GREP1: variants seen among roughly 807,000 people sequenced by gnomAD.
GREP1 encodes the protein glycine-rich extracellular protein 1.
intron 27 of GREP1, 68 bp from the exon 25 acceptor site, chr16:2,999,834 C>T (rs1316606697): frequency 2.3e-5 from 9 of 398,890 alleles, no homozygotes; most frequent in Admixed American, 4.4e-5. Flanking sequence ...TCCCTAAGGT[C>T]GATCTTTGGC....
chr16:2,988,513 G>A, intron 1 of GREP1, 77 bp from the exon 2 acceptor site: 2 of 399,314 alleles, frequency 5.0e-6, no homozygotes, highest in Non-Finnish European at 8.8e-6. Context: ...GGGGGCTGGA[G>A]GATAGATGCC....
chr16:2,993,401 G>A (rs549882196), intron 10 of GREP1: 17 of 153,346 alleles, frequency 1.1e-4, no homozygotes, highest in African/African-American at 3.8e-4. Flanking sequence ...CCAACAGTTC[G>A]GGAGGCAGAG....
intron 33 of GREP1, 71 bp from the exon 28 acceptor site, chr16:3,001,210 G>A (rs1251236869): frequency 5.0e-6 from 2 of 399,108 alleles, no homozygotes; most frequent in Admixed American, 8.8e-5. Flanking sequence ...CCCACAGCCT[G>A]GGTTGAAGCT....
At chr16:2,998,224 A>G in intron 23 of GREP1, 132 bp from the exon 22 acceptor site, 1 of 397,690 alleles carries the variant, frequency 2.5e-6, no homozygotes, top group Non-Finnish European at 4.4e-6. Context: ...CCCAGGATAC[A>G]CACCAGGGAC....
intron 18 of GREP1, chr16:2,995,974 C>T: frequency 2.5e-6 from 1 of 395,918 alleles, no homozygotes; most frequent in Non-Finnish European, 4.4e-6. Context: ...GCTCTGTCGC[C>T]CAGGCTGGAG....
At chr16:2,999,371 T>C (rs984538) in intron 27 of GREP1, 17,863 of 396,384 alleles carry the variant, frequency 0.045, 1,166 homozygotes, top group African/African-American at 0.2. Flanking sequence ...ATCCTCTGTC[T>C]CCACCCCAGA....
At position 2,992,645 on chromosome 16, in the gene GREP1, A is replaced by T. The variant is rs2072404943; in HGVS notation, c.323-160A>T. The T allele has an allele frequency of 2.5e-6, 1 of 396,202 alleles. No individual in the cohort carries two copies. Among genetic ancestry groups the T allele is most frequent in the Non-Finnish European group, 4.4e-6 (1 of 224,984 alleles). 24.5% of individuals were successfully genotyped at this position (396,202 alleles called of 1,614,324 possible). ...TCTGGACTCCCGGGCCAAGAACCAA[A>T]TCCAACTTTGACTGCAGTCAGGCCT... On this transcript the variant is annotated intron_variant, in intron 8 of 34. Transcript: ENST00000573315. This position sits in a 1 kb window ranked among gnomAD's most constrained non-coding sequence, Gnocchi z 4.9.
chr16:3,000,115 AT>A lies in GREP1; in HGVS notation c.1263del (p.Ile421MetfsTer3). 2 of 399,042 alleles carry A rather than the reference AT, an allele frequency of 5.0e-6. No individual in the cohort carries two copies. The highest frequency in any genetic ancestry group is 7.1e-5 in the East Asian group (2 of 28,074). The allele number at this position is 399,042 out of a possible 1,614,324, so 24.7% of individuals were successfully genotyped here. A position where few individuals can be genotyped will look rare whatever the true frequency, so the allele number is the denominator to read the frequency against. On this transcript the variant is annotated frameshift_variant and splice_region_variant, in exon 29 of 35. Transcript: ENST00000573315. LOFTEE classifies it high-confidence loss of function. ...TAATGGTGGCCTCGAGCCACAGAAA[AT>A]TGGTGAGTCCTCCTGGGCCCCCGAC...
At chr16:2,995,395 C>T (rs1438881660) in intron 14 of GREP1, 79 bp downstream of exon 15, 4 of 398,818 alleles carry the variant, frequency 1.0e-5, no homozygotes, top group African/African-American at 8.2e-5. Context: ...CTCCATCTGT[C>T]CCCCAGGATT....
At chr16:2,990,865 G>C (rs978448147) in intron 7 of GREP1, among the ~76,000 whole-genome samples, 183 bp from the exon 7 acceptor site, 12 of 152,166 alleles carry the variant, frequency 7.9e-5, no homozygotes, top group African/African-American at 2.7e-4. Context: ...GCCCAGGGCG[G>C]GGAGGTGGGG....
chr16:2,995,472 G>A (rs2072419912), intron 15 of GREP1, 147 bp from the exon 16 acceptor site: 2 of 398,786 alleles, frequency 5.0e-6, no homozygotes, highest in South Asian at 1.3e-4. Flanking sequence ...CTACCCCTGG[G>A]GCGTCCTCTC....
chr16:2,996,927 C>T lies in GREP1; in HGVS notation c.746-18C>T, dbSNP rs947042987. 7.3e-5 allele frequency: 29 copies of T among 399,280 alleles called. No individual in the cohort carries two copies. The Middle Eastern group carries it at 3.8e-3, about 52-fold the overall frequency. 24.7% of individuals were successfully genotyped at this position (399,280 alleles called of 1,614,324 possible). A position where few individuals can be genotyped will look rare whatever the true frequency, so the allele number is the denominator to read the frequency against. ...CCCAGTGGCTCAGCCTTACCACGTT[C>T]CCTTTTTTGCCCCACAGGCCTGGGA... is the stretch of plus-strand genomic sequence containing the variant. On this transcript the variant is annotated intron_variant, in intron 20 of 34. Coordinates refer to ENST00000573315, the Ensembl canonical transcript of GREP1.
chr16:2,996,514 G>A (rs2151103161), exon 19 of GREP1: 2 of 399,234 alleles, frequency 5.0e-6, no homozygotes, highest in African/African-American at 2.1e-5. Context: ...CATGGAAATG[G>A]ACCGGGAGTC....
exon 35 of GREP1, chr16:3,001,748 G>C (rs1260073323): frequency 5.0e-6 from 2 of 397,698 alleles, no homozygotes; most frequent in Admixed American, 8.8e-5. Flanking sequence ...GGTGGGAGTG[G>C]CATGGGCCTG....
chr16:2,989,011 T>TG lies in GREP1; in HGVS notation c.100+395dup, dbSNP rs1163905631. 4 of 250,868 alleles carry TG rather than the reference T, an allele frequency of 1.6e-5. No individual in the cohort carries two copies. The highest frequency in any genetic ancestry group is 1.8e-4 in the South Asian group (1 of 5,702). 15.5% of individuals were successfully genotyped at this position (250,868 alleles called of 1,614,324 possible). ...TGGAAGAGTCTTTACTTCAGGGACC[T>TG]GGGGGGTCCTAAGGGTAGAAGGAGG... On this transcript the variant is annotated intron_variant, in intron 2 of 34. Transcript: ENST00000573315. This position sits in a 1 kb window ranked among gnomAD's most constrained non-coding sequence, Gnocchi z 4.2.
At chr16:2,999,587 G>A (rs914992658) in intron 27 of GREP1, among the ~76,000 whole-genome samples, 5 of 150,484 alleles carry the variant, frequency 3.3e-5, no homozygotes, top group African/African-American at 1.2e-4. Context: ...CAAGTAGTTG[G>A]CATTACAGGC....
Position 2,992,971 on chromosome 16 carries a change from ACTCCCTGTCCCTGT to A in GREP1, c.385+16_385+29del, listed in dbSNP as rs1567397185. 3.0e-5 allele frequency: 12 copies of A among 398,498 alleles called. No homozygotes were observed. Among genetic ancestry groups the A allele is most frequent in the Non-Finnish European group, 3.5e-5 (8 of 225,990 alleles). 24.7% of individuals were successfully genotyped at this position (398,498 alleles called of 1,614,324 possible). On this transcript the variant is annotated intron_variant, in intron 10 of 34. Transcript: ENST00000573315. This position sits in a 1 kb window ranked among gnomAD's most constrained non-coding sequence, Gnocchi z 4.9. ...GAAAACCCCAGAAGCCAGGTGAGCCACTCCCTGTCCCTGTCTCCCTGCCCATTTCCTATGCATCT... is the reference window on the plus strand; with the variant it reads ...GAAAACCCCAGAAGCCAGGTGAGCCACTCCCTGCCCATTTCCTATGCATCT...
At position 2,992,679 on chromosome 16, in the gene GREP1, G is replaced by A. The variant is rs1465391814; in HGVS notation, c.323-126G>A. On this transcript the variant is annotated intron_variant, in intron 8 of 34. Transcript: ENST00000573315. The surrounding 1 kb of genome is among the most constrained non-coding windows in gnomAD (Gnocchi z 4.9). Reference sequence around the variant, plus strand: ...TGACTGCAGTCAGGCCTGGGAGGGAGTTCACACAAGACAGAAAGGCAGAGG... The same window carrying A: ...TGACTGCAGTCAGGCCTGGGAGGGAATTCACACAAGACAGAAAGGCAGAGG... 2 of 397,874 alleles carry A rather than the reference G, an allele frequency of 5.0e-6. No homozygotes were observed. Among genetic ancestry groups the A allele is most frequent in the South Asian group, 1.4e-4 (1 of 7,086 alleles). The allele number at this position is 397,874 out of a possible 1,614,324, so 24.6% of individuals were successfully genotyped here.
At chr16:2,995,567 C>T (rs902729385) in intron 15 of GREP1, 52 bp from the exon 16 acceptor site, 34 of 398,636 alleles carry the variant, frequency 8.5e-5, no homozygotes, top group African/African-American at 7.0e-4. Flanking sequence ...GATTCCCTTA[C>T]CTCCACCTCA....
Sources: allele counts gnomAD v4.1 joint callset (sites outside exome capture counted in the v4.1 genomes callset), GRCh38; gene constraint gnomAD v4.1.1; non-coding constraint Gnocchi (gnomAD v3.1); transcripts MANE v1.5; gene names NCBI Gene and HGNC (gene_info 2026-07-23, HGNC 2026-07-21).